The following SPIDR variants were observed in gnomAD, a reference collection of about 807,000 sequenced individuals.
The protein encoded by SPIDR is DNA repair-scaffolding protein.
SPIDR carries 93 observed loss-of-function variants against 104.6 expected under a neutral mutation model. The observed-to-expected ratio is 0.89, with a 90% confidence interval of 0.75 to 1.06. SPIDR has a LOEUF of 1.06. Among genes scored for constraint, SPIDR ranks in the 50% least tolerant of loss-of-function variants. The pLI, the probability that SPIDR is intolerant of heterozygous loss-of-function variation, is 0.00. For synonymous variants in SPIDR, 431 were observed against 416.9 expected (o/e 1.03, Z -0.41); for missense variants, 1,154 against 1,111.2 (o/e 1.04, Z -0.55).
At chr8:47,446,932 A>G (rs1554702256) in intron 8 of SPIDR, among the ~76,000 whole-genome samples, 1 of 152,028 alleles carries the variant, frequency 6.6e-6, no homozygotes, top group Non-Finnish European at 1.5e-5. Context: ...TCCTGAAAGG[A>G]CTCACCATTC....
chr8:47,540,154 A>T (rs1473516542), intron 8 of SPIDR, among the ~76,000 whole-genome samples: 1 of 152,114 alleles, frequency 6.6e-6, no homozygotes, highest in Non-Finnish European at 1.5e-5. Flanking sequence ...CACTTTTTTG[A>T]ATAATATCAT....
At chr8:47,580,646 C>T (rs1426551490) in intron 8 of SPIDR, among the ~76,000 whole-genome samples, 2 of 149,738 alleles carry the variant, frequency 1.3e-5, no homozygotes, top group African/African-American at 2.6e-5. Context: ...TGCCACCCAG[C>T]GTTTTTATTC....
chr8:47,683,470 G>T (rs754070221), intron 11 of SPIDR, among the ~76,000 whole-genome samples: 1 of 152,216 alleles, frequency 6.6e-6, no homozygotes, highest in East Asian at 1.9e-4. Flanking sequence ...GCAGAGGCCC[G>T]TGGGAAAGCG....
intron 8 of SPIDR, among the ~76,000 whole-genome samples, chr8:47,503,389 AATGGCCTTCTTTGTCTCTT>A (rs2080882725): frequency 1.3e-5 from 2 of 152,240 alleles, no homozygotes; most frequent in South Asian, 4.2e-4. Flanking sequence ...ACCATTATGT[AATGGCCTTCTTTGTCTCTT>A]TTGATCTTTG....
intron 8 of SPIDR, among the ~76,000 whole-genome samples, chr8:47,541,914 G>A (rs1331741288): frequency 6.6e-6 from 1 of 152,136 alleles, no homozygotes; most frequent in East Asian, 1.9e-4. Flanking sequence ...TTGGGCGACA[G>A]AATGAGACTC....
At chr8:47,563,983 A>G (rs149124379) in intron 8 of SPIDR, among the ~76,000 whole-genome samples, 39 of 152,232 alleles carry the variant, frequency 2.6e-4, no homozygotes, top group Non-Finnish European at 5.6e-4. Flanking sequence ...ATAAAGTGTG[A>G]AGAAGAACTT....
intron 11 of SPIDR, among the ~76,000 whole-genome samples, chr8:47,694,603 G>A (rs577812957): frequency 1.3e-5 from 2 of 152,210 alleles, no homozygotes; most frequent in African/African-American, 2.4e-5. Flanking sequence ...ACCCCATCCT[G>A]TACGAAAAAT....
chr8:47,550,602 T>C (rs2154396887), intron 8 of SPIDR, among the ~76,000 whole-genome samples: 1 of 152,296 alleles, frequency 6.6e-6, no homozygotes, highest in Admixed American at 6.5e-5. Flanking sequence ...TGCTTGTGAT[T>C]TTTGCACATT....
At chr8:47,462,593 A>G (rs2074123081) in intron 8 of SPIDR, among the ~76,000 whole-genome samples, 2 of 152,244 alleles carry the variant, frequency 1.3e-5, no homozygotes, top group African/African-American at 4.8e-5. Context: ...TTGGAAATTT[A>G]TGGATGTAAG....
intron 14 of SPIDR, among the ~76,000 whole-genome samples, chr8:47,708,719 A>G (rs1411749409): frequency 6.6e-6 from 1 of 152,206 alleles, no homozygotes; most frequent in Non-Finnish European, 1.5e-5. Flanking sequence ...TATTTTTACC[A>G]TCTCCATAGT....
intron 5 of SPIDR, among the ~76,000 whole-genome samples, chr8:47,314,915 G>A (rs587656470): frequency 1.3e-5 from 2 of 152,206 alleles, no homozygotes; most frequent in South Asian, 4.2e-4. Flanking sequence ...TAAAAATAAT[G>A]ACACAGATAG....
chr8:47,555,460 G>A (rs1371155901), intron 8 of SPIDR, among the ~76,000 whole-genome samples: 39 of 152,108 alleles, frequency 2.6e-4, no homozygotes, highest in Non-Finnish European at 1.5e-5. Context: ...GAAGAAACTG[G>A]GAGATAGATA....
At chr8:47,629,855 A>G (rs2066781571) in intron 10 of SPIDR, among the ~76,000 whole-genome samples, 1 of 152,250 alleles carries the variant, frequency 6.6e-6, no homozygotes, top group Non-Finnish European at 1.5e-5. Context: ...AAATTTCTTT[A>G]TGTCTGGTAT....
Position 47,701,791 on chromosome 8 carries a change from A to T in SPIDR, c.1844A>T (p.Asp615Val). 1 of 1,614,116 alleles carries T rather than the reference A, an allele frequency of 6.2e-7. No individual in the cohort carries two copies. Among genetic ancestry groups the T allele is most frequent in the Non-Finnish European group, 8.5e-7 (1 of 1,180,014 alleles). Residue 615 changes from aspartate to valine, a missense_variant, in exon 13 of 20, where the codon GAT (aspartate) becomes GTT (valine). Asp to Val is a radical substitution (Grantham distance 152, BLOSUM62 -3). Coordinates refer to ENST00000297423, the MANE Select transcript of SPIDR (RefSeq NM_001080394.4). ...LTAHPNLGQI[D>V]IIDEDPIYKL... ...GCTCATCCAAATCTGGGACAAATTG[A>T]TATAATTGACGAAGACCCCATTTAT...
At chr8:47,341,122 T>C (rs797037390) in intron 5 of SPIDR, among the ~76,000 whole-genome samples, 9 of 152,338 alleles carry the variant, frequency 5.9e-5, no homozygotes, top group African/African-American at 2.2e-4. Flanking sequence ...GACTTTACCC[T>C]TCACCTGTGG....
intron 5 of SPIDR, among the ~76,000 whole-genome samples, chr8:47,321,498 T>G (rs2046577014): frequency 6.6e-6 from 1 of 152,086 alleles, no homozygotes; most frequent in Admixed American, 6.6e-5. Context: ...AGAATCAGTA[T>G]CATGAAAATG....
At chr8:47,636,781 A>C (rs914171449) in intron 10 of SPIDR, among the ~76,000 whole-genome samples, 2 of 150,826 alleles carry the variant, frequency 1.3e-5, no homozygotes, top group Non-Finnish European at 2.9e-5. Flanking sequence ...GTACCACTGC[A>C]CTCCAGCCTA....
intron 11 of SPIDR, among the ~76,000 whole-genome samples, chr8:47,685,168 C>T (rs990685694): frequency 2.0e-5 from 3 of 152,066 alleles, no homozygotes; most frequent in Non-Finnish European, 4.4e-5. Flanking sequence ...GCCAATCATG[C>T]CATTGCACTC....
intron 8 of SPIDR, among the ~76,000 whole-genome samples, chr8:47,495,040 T>C (rs779531581): frequency 1.1e-4 from 16 of 152,184 alleles, no homozygotes; most frequent in Non-Finnish European, 2.1e-4. Flanking sequence ...CCAACTCTAT[T>C]TCAGTGACAG....
Sources: gnomAD v4.1 joint callset for allele counts (sites outside exome capture counted in the v4.1 genomes callset) on GRCh38, gnomAD v4.1.1 for gene constraint, MANE v1.5 for transcripts, NCBI Gene and HGNC (gene_info 2026-07-23, HGNC 2026-07-21) for gene names.